Variants in OTOP2 observed in about 807,000 individuals in gnomAD.
The protein encoded by OTOP2 is otopetrin 2.
OTOP2 carries 41 observed loss-of-function variants against 47.4 expected under a neutral mutation model. The observed-to-expected ratio is 0.87, with a 90% CI of 0.67 to 1.12. The LOEUF is 1.12. OTOP2 is among the 50% of genes most tolerant of loss of function. The pLI is 0.00. For missense variants in OTOP2, 721 were observed against 752.2 expected (o/e 0.96, Z 0.49); for synonymous variants, 328 against 319.6 (o/e 1.03, Z -0.28).
intron 5 of OTOP2, among the ~76,000 whole-genome samples, chr17:74,928,907 C>T (rs758626384): frequency 4.6e-4 from 70 of 152,152 alleles, no homozygotes; most frequent in Non-Finnish European, 1.0e-4. Context: ...TACAAAGAAC[C>T]ACCCTGCACA....
At position 74,930,728 on chromosome 17, in the gene OTOP2, C is replaced by T. The variant is rs200725611; in HGVS notation, c.1093C>T (p.Arg365Cys). Residue 365 changes from arginine (R) to cysteine (C), a missense_variant, in exon 6 of 7, where the codon CGC becomes TGC. Physicochemically the swap from Arg to Cys is radical, Grantham distance 180 (BLOSUM62 -3). Coordinates refer to ENST00000331427, the MANE Select transcript of OTOP2 (RefSeq NM_178160.3). The surrounding 1 kb of genome is among the most constrained non-coding windows in gnomAD (Gnocchi z 4.0). ...CATGGACCACCATAAGAACCCCACG[C>T]GCACTCTGGACGTGGCCCTGCTGAT... Reference protein sequence around the residue: ...RAMDHHKNPTRTLDVALLMGA... With the variant: ...RAMDHHKNPTCTLDVALLMGA... 3.4e-5 allele frequency: 55 copies of T among 1,614,116 alleles called. 1 individual carries two copies. In the East Asian group the frequency reaches 4.0e-4, roughly 12 times the overall value.
At position 74,933,488 on chromosome 17, in the gene OTOP2, C is replaced by G; in HGVS notation, c.1632C>G (p.Gly544=). 1 of 1,614,136 alleles carries G rather than the reference C, an allele frequency of 6.2e-7. No individual in the cohort carries two copies. Among genetic ancestry groups the G allele is most frequent in the Non-Finnish European group, 8.5e-7 (1 of 1,179,982 alleles). ...AVIVNICLPF[G]IFYRMHAVSS... ...TCGTCAACATCTGCCTCCCTTTCGG[C>G]ATCTTCTACCGCATGCACGCTGTGT... The change falls in exon 7 of 7, where the codon GGC becomes GGG. Residue 544 remains glycine, a synonymous_variant. Coordinates refer to ENST00000331427, the MANE Select transcript of OTOP2 (RefSeq NM_178160.3). The surrounding 1 kb of genome is among the most constrained non-coding windows in gnomAD (Gnocchi z 4.7).
intron 3 of OTOP2, among the ~76,000 whole-genome samples, chr17:74,926,143 A>G (rs1223294536): frequency 6.6e-6 from 1 of 152,206 alleles, no homozygotes; most frequent in East Asian, 1.9e-4. Flanking sequence ...GTTGTTGCAT[A>G]AACAATACTT....
intron 3 of OTOP2, among the ~76,000 whole-genome samples, 182 bp from the exon 4 acceptor site, chr17:74,927,041 C>G (rs1185205249): frequency 6.6e-6 from 1 of 152,212 alleles, no homozygotes; most frequent in African/African-American, 2.4e-5. Flanking sequence ...TCCCAAAGTG[C>G]TGGGATTACA....
rs372007966 is a variant in OTOP2 at position 74,925,702 on chromosome 17, G to A, written c.450+10G>A. 2 of 1,614,012 alleles carry A rather than the reference G, an allele frequency of 1.2e-6. No individual in the cohort carries two copies. The highest frequency in any genetic ancestry group is 8.5e-7 in the Non-Finnish European group (1 of 1,179,954). On this transcript the variant is annotated intron_variant, in intron 3 of 6. Coordinates refer to ENST00000331427, the MANE Select transcript of OTOP2 (RefSeq NM_178160.3). ...GTTTGTCATCATCCAGGTGGGTGGA[G>A]GAGTGTCGCTGTGTGGAAGAAAGGA...
chr17:74,927,144 A>G lies in OTOP2; in HGVS notation c.451-79A>G, dbSNP rs547587623. On this transcript the variant is annotated intron_variant, in intron 3 of 6. Coordinates refer to ENST00000331427, the MANE Select transcript of OTOP2 (RefSeq NM_178160.3). ...TAAGGGTTCCTCAGGCGGAGAGAAC[A>G]AGATGGCATGGACTTGGGTGCGCTG... 9.1e-6 allele frequency: 12 copies of G among 1,311,928 alleles called. No individual in the cohort carries two copies. In the East Asian group the frequency reaches 2.3e-4, roughly 25 times the overall value. 81.3% of individuals were successfully genotyped at this position (1,311,928 alleles called of 1,614,324 possible). A position where few individuals can be genotyped will look rare whatever the true frequency, so the allele number is the denominator to read the frequency against.
chr17:74,927,476 GC>G, intron 4 of OTOP2, 188 bp from the exon 5 acceptor site: 1 of 1,013,720 alleles, frequency 9.9e-7, no homozygotes, highest in Non-Finnish European at 1.4e-6. Flanking sequence ...AGTGGTGGTG[GC>G]CCCCGGGAAA....
Position 74,927,682 on chromosome 17 carries a change from C to A in OTOP2, c.527C>A (p.Thr176Lys), listed in dbSNP as rs1327737802. 5 of 1,613,942 alleles carry A rather than the reference C, an allele frequency of 3.1e-6. 1 individual carries two copies. The Middle Eastern group carries it at 8.2e-4, about 266-fold the overall frequency. The change falls in exon 5 of 7, where the codon ACA becomes AAA. Residue 176 changes from threonine to lysine, a missense_variant. Transcript: ENST00000331427. ...LDLTWCGLMFTLTTNLAIWMA... is the reference protein window; with the variant it reads ...LDLTWCGLMFKLTTNLAIWMA... ...CCAAACAGGTGTGGTCTCATGTTCA[C>A]ACTCACCACCAACCTGGCCATCTGG...
chr17:74,925,723 A>C (rs1428260779), intron 3 of OTOP2, 31 bp downstream of exon 3: 3 of 1,613,308 alleles, frequency 1.9e-6, no homozygotes, highest in East Asian at 2.2e-5. Flanking sequence ...GTGTGGAAGA[A>C]AGGAGCTAAC....
At position 74,930,870 on chromosome 17, in the gene OTOP2, C is replaced by G. The variant is rs751207230; in HGVS notation, c.1235C>G (p.Ala412Gly). 73 of 1,614,004 alleles carry G rather than the reference C, an allele frequency of 4.5e-5. No individual in the cohort carries two copies. The highest frequency in any genetic ancestry group is 5.6e-5 in the Non-Finnish European group (66 of 1,180,028). Residue 412 changes from alanine (A) to glycine (G), a missense_variant, in exon 6 of 7, where the codon GCC becomes GGC. Ala to Gly is a moderately conservative substitution (Grantham distance 60). Transcript: ENST00000331427. This position sits in a 1 kb window ranked among gnomAD's most constrained non-coding sequence, Gnocchi z 4.0. ...CTCACCCATGCACTGCTCATGATCG[C>G]CCAGCACACCTTCCAGAACATGTTT... ...LNLTHALLMI[A>G]QHTFQNMFII... is the part of the protein sequence containing the mutation.
intron 6 of OTOP2, among the ~76,000 whole-genome samples, chr17:74,931,543 C>T (rs1284484802): frequency 6.6e-6 from 1 of 152,174 alleles, no homozygotes; most frequent in Non-Finnish European, 1.5e-5. Context: ...ATAATTGGAA[C>T]AGTGTCAGGA....
chr17:74,925,823 G>A (rs556594206), intron 3 of OTOP2, 131 bp downstream of exon 3: 15 of 1,341,060 alleles, frequency 1.1e-5, no homozygotes, highest in African/African-American at 2.9e-5. Context: ...CCAGGGACAG[G>A]GCTGTAGAGA....
In OTOP2 at chr17:74,930,898, C is replaced by T; in HGVS notation, c.1263C>T (p.Ile421=). 1 of 1,614,094 alleles carries T rather than the reference C, an allele frequency of 6.2e-7. No homozygotes were observed. ...AGCACACCTTCCAGAACATGTTTAT[C>T]ATCGAGAGCCTTCACCGAGGACCGC... ...IAQHTFQNMF[I]IESLHRGPPG... The change falls in exon 6 of 7, where the codon ATC becomes ATT. Residue 421 remains isoleucine, a synonymous_variant. Coordinates refer to ENST00000331427, the MANE Select transcript of OTOP2 (RefSeq NM_178160.3). The surrounding 1 kb of genome is among the most constrained non-coding windows in gnomAD (Gnocchi z 4.0).
At position 74,925,674 on chromosome 17, in the gene OTOP2, T is replaced by A; in HGVS notation, c.432T>A (p.Ala144=). The change falls in exon 3 of 7, where the codon GCT becomes GCA. Residue 144 remains alanine, a synonymous_variant. Transcript: ENST00000331427. ...AGATCCTGCACCCCCTCATCCAGGCTGTGTTTGTCATCATCCAGGTGGGTG... is the reference window on the plus strand; with the variant it reads ...AGATCCTGCACCCCCTCATCCAGGCAGTGTTTGTCATCATCCAGGTGGGTG... ...AIKILHPLIQ[A]VFVIIQTYFL... 6.2e-7 allele frequency: 1 copy of A among 1,614,188 alleles called. No homozygotes were observed. Among genetic ancestry groups the A allele is most frequent in the South Asian group, 1.1e-5 (1 of 91,082 alleles).
At position 74,924,528 on chromosome 17, in the gene OTOP2, A is replaced by G; in HGVS notation, c.-33-72A>G. Reference sequence around the variant, plus strand: ...CGGGTCAGGAACTCCCTAGTCCCCAAGTCTAGGGATGAGATGGGGGAAGGA... The same window carrying G: ...CGGGTCAGGAACTCCCTAGTCCCCAGGTCTAGGGATGAGATGGGGGAAGGA... On this transcript the variant is annotated intron_variant, in intron 1 of 6. Coordinates refer to ENST00000331427, the MANE Select transcript of OTOP2 (RefSeq NM_178160.3). This position sits in a 1 kb window ranked among gnomAD's most constrained non-coding sequence, Gnocchi z 7.7. The G allele has an allele frequency of 7.6e-7, 1 of 1,321,084 alleles. No individual in the cohort carries two copies. Among genetic ancestry groups the G allele is most frequent in the Non-Finnish European group, 1.0e-6 (1 of 995,994 alleles). The allele number at this position is 1,321,084 out of a possible 1,614,324, so 81.8% of individuals were successfully genotyped here. A position where few individuals can be genotyped will look rare whatever the true frequency, so the allele number is the denominator to read the frequency against.
At chr17:74,929,415 T>TG (rs1239513622) in intron 5 of OTOP2, among the ~76,000 whole-genome samples, 7 of 151,500 alleles carry the variant, frequency 4.6e-5, no homozygotes, top group African/African-American at 1.7e-4. Context: ...CTGTTTTGTT[T>TG]TTTTGTTTGT....
At chr17:74,932,554 G>T (rs1386811327) in intron 6 of OTOP2, among the ~76,000 whole-genome samples, 1 of 152,192 alleles carries the variant, frequency 6.6e-6, no homozygotes, top group South Asian at 2.1e-4. Context: ...AACGTCTTTG[G>T]TACCTGGCCC....
chr17:74,926,339 C>T (rs919929875), intron 3 of OTOP2, among the ~76,000 whole-genome samples: 36 of 152,212 alleles, frequency 2.4e-4, no homozygotes, highest in African/African-American at 7.5e-4. Context: ...TTTAGTCTTT[C>T]GTATTTTATG....
chr17:74,928,294 G>A (rs1382547692), intron 5 of OTOP2, among the ~76,000 whole-genome samples: 1 of 152,074 alleles, frequency 6.6e-6, no homozygotes. Flanking sequence ...GCAGTGAGCT[G>A]TGATTGCACC....
Sources: allele counts gnomAD v4.1 joint callset (sites outside exome capture counted in the v4.1 genomes callset), GRCh38; gene constraint gnomAD v4.1.1; non-coding constraint Gnocchi (gnomAD v3.1); transcripts MANE v1.5; gene names NCBI Gene and HGNC (gene_info 2026-07-23, HGNC 2026-07-21).